The following LRRC49 variants were observed in gnomAD, a reference collection of about 807,000 sequenced individuals.
LRRC49 encodes the protein leucine-rich repeat-containing protein 49.
A neutral mutation model predicts 83.3 loss-of-function variants in LRRC49; 50 were observed. The observed-to-expected ratio is 0.60, with a 90% CI of 0.48 to 0.76. The LOEUF (loss-of-function observed/expected upper bound fraction) is 0.76. Ranked by LOEUF, LRRC49 falls within the 30% of genes least tolerant of loss-of-function variation. The pLI is 0.00. For synonymous variants in LRRC49, 286 were observed against 283.3 expected (o/e 1.01, Z -0.10); for missense variants, 704 against 809.1 (o/e 0.87, Z 1.58).
intron 4 of LRRC49, among the ~76,000 whole-genome samples, chr15:70,903,533 T>C (rs1264701226): frequency 6.6e-6 from 1 of 152,154 alleles, no homozygotes; most frequent in Non-Finnish European, 1.5e-5. Flanking sequence ...TGCGAATCAT[T>C]CTTTTTTCTC....
At chr15:70,973,455 G>A (rs779328637) in intron 9 of LRRC49, among the ~76,000 whole-genome samples, 2 of 152,180 alleles carry the variant, frequency 1.3e-5, no homozygotes, top group Non-Finnish European at 2.9e-5. Context: ...CAGAAGGCAG[G>A]GGGGTCAGGG....
At chr15:70,995,619 C>G (rs1359970782) in intron 11 of LRRC49, among the ~76,000 whole-genome samples, 1 of 152,156 alleles carries the variant, frequency 6.6e-6, no homozygotes, top group Non-Finnish European at 1.5e-5. Flanking sequence ...TCAGTGAATG[C>G]AGGAGTATCT....
At chr15:70,891,543 C>T (rs1225047292), upstream of LRRC49, among the ~76,000 whole-genome samples, 13 of 150,520 alleles carry the variant, frequency 8.6e-5, no homozygotes. Flanking sequence ...GTGAAAGCAA[C>T]TCACTACTCT....
At chr15:70,969,590 A>G (rs772299306) in intron 9 of LRRC49, among the ~76,000 whole-genome samples, 1 of 152,166 alleles carries the variant, frequency 6.6e-6, no homozygotes, top group African/African-American at 2.4e-5. Flanking sequence ...CATTTTCACT[A>G]TATTGATTCT....
upstream of LRRC49, chr15:70,891,878 C>A (rs1242305516): frequency 5.6e-6 from 9 of 1,609,410 alleles, no homozygotes; most frequent in Non-Finnish European, 7.6e-6. Context: ...AGCTCGGGGG[C>A]GTGTACAGGA....
chr15:70,907,192 G>A (rs995854642), intron 5 of LRRC49, among the ~76,000 whole-genome samples: 9 of 152,206 alleles, frequency 5.9e-5, no homozygotes, highest in African/African-American at 1.9e-4. Flanking sequence ...TCATGCATTT[G>A]TGTTAAATGA....
In LRRC49 at chr15:70,984,119, A is replaced by C. The variant is rs2037503650; in HGVS notation, c.1031A>C (p.Asn344Thr). 4 of 1,609,652 alleles carry C rather than the reference A, an allele frequency of 2.5e-6. No homozygotes were observed. The highest frequency in any genetic ancestry group is 3.4e-6 in the Non-Finnish European group (4 of 1,178,472). The change falls in exon 11 of 16, where the codon AAC becomes ACC. Residue 344 changes from asparagine to threonine, a missense_variant. Transcript: ENST00000260382. ...LKEKKRLTIN[N>T]VARQWDLQQQ... ...GAGAAGAAAAGGTTAACAATTAACA[A>C]CGTAGCTCGACAGTGGGACTTGCAA...
chr15:70,925,532 G>A (rs1338207846), intron 7 of LRRC49, among the ~76,000 whole-genome samples: 3 of 152,100 alleles, frequency 2.0e-5, no homozygotes, highest in African/African-American at 7.2e-5. Flanking sequence ...AGAAATTGAG[G>A]AAACCCCTTG....
intron 11 of LRRC49, among the ~76,000 whole-genome samples, chr15:70,988,446 C>G (rs2037720863): frequency 6.6e-6 from 1 of 151,694 alleles, no homozygotes; most frequent in East Asian, 1.9e-4. Flanking sequence ...TTATCAGAGA[C>G]TAGGATTGCA....
intron 1 of LRRC49, chr15:70,854,172 G>C: frequency 9.6e-7 from 1 of 1,041,446 alleles, no homozygotes; most frequent in Non-Finnish European, 1.2e-6. Context: ...CGAGGGGGCG[G>C]GGGCGGTGCG....
chr15:70,892,891 T>A lies in LRRC49; in HGVS notation c.-4T>A. Reference sequence around the variant, plus strand: ...CTAACAGAGAACCTGGACTGTCTCCTATCATGATTCCCGGGAAATATCGCT... The same window carrying A: ...CTAACAGAGAACCTGGACTGTCTCCAATCATGATTCCCGGGAAATATCGCT... On this transcript the variant is annotated 5_prime_UTR_variant, in exon 1 of 16. Transcript: ENST00000260382. 1 of 1,614,212 alleles carries A rather than the reference T, an allele frequency of 6.2e-7. No individual in the cohort carries two copies. The highest frequency in any genetic ancestry group is 8.5e-7 in the Non-Finnish European group (1 of 1,180,038).
At chr15:70,861,467 G>A (rs187627469) in intron 1 of LRRC49, among the ~76,000 whole-genome samples, 1 of 151,480 alleles carries the variant, frequency 6.6e-6, no homozygotes, top group African/African-American at 2.4e-5. Flanking sequence ...TCAGCATTAT[G>A]AATGGAAGTC....
intron 8 of LRRC49, among the ~76,000 whole-genome samples, chr15:70,958,579 AT>A (rs1007836376): frequency 5.3e-5 from 8 of 152,202 alleles, no homozygotes; most frequent in African/African-American, 1.4e-4. Context: ...CTGTTCTGAG[AT>A]TTTTATACTG....
At chr15:70,942,848 T>C (rs2035870258) in intron 8 of LRRC49, among the ~76,000 whole-genome samples, 1 of 152,226 alleles carries the variant, frequency 6.6e-6, no homozygotes, top group African/African-American at 2.4e-5. Flanking sequence ...AGCTGTTTCC[T>C]AACTCATTTA....
At chr15:70,873,210 A>G in exon 2 of LRRC49, 2 of 1,536,066 alleles carry the variant, frequency 1.3e-6, no homozygotes, top group East Asian at 2.4e-5. Flanking sequence ...TTAAAGATGG[A>G]TTGCCAAGCT....
At chr15:70,993,564 A>G (rs2037971396) in intron 11 of LRRC49, among the ~76,000 whole-genome samples, 1 of 152,206 alleles carries the variant, frequency 6.6e-6, no homozygotes, top group Admixed American at 6.5e-5. Flanking sequence ...TGAAGTGACA[A>G]TTTATGTAAC....
At chr15:70,981,221 A>G (rs757798368) in intron 10 of LRRC49, among the ~76,000 whole-genome samples, 1 of 152,030 alleles carries the variant, frequency 6.6e-6, no homozygotes, top group African/African-American at 2.4e-5. Context: ...TGGGATGGAC[A>G]TTCTCAGCAA....
At chr15:70,868,605 T>C (rs1355876778) in intron 1 of LRRC49, among the ~76,000 whole-genome samples, 1 of 152,238 alleles carries the variant, frequency 6.6e-6, no homozygotes, top group Non-Finnish European at 1.5e-5. Flanking sequence ...TCTGACTCAG[T>C]AGGTCTAGGG....
chr15:70,971,203 G>T (rs1194017593), intron 9 of LRRC49, among the ~76,000 whole-genome samples: 1 of 152,116 alleles, frequency 6.6e-6, no homozygotes, highest in Non-Finnish European at 1.5e-5. Context: ...TGGTTTCAAA[G>T]AACTTCTTTA....
Sources: allele counts gnomAD v4.1 joint callset (sites outside exome capture counted in the v4.1 genomes callset), GRCh38; gene constraint gnomAD v4.1.1; transcripts MANE v1.5; gene names NCBI Gene and HGNC (gene_info 2026-07-23, HGNC 2026-07-21).